Variants in DGKB observed in about 807,000 individuals in gnomAD.
DGKB encodes 90 kDa diacylglycerol kinase.
A neutral mutation model predicts 114.3 loss-of-function variants in DGKB; 67 were observed. The observed-to-expected ratio is 0.59, with a 90% confidence interval of 0.48 to 0.72. DGKB has a LOEUF of 0.72. Ranked by LOEUF, DGKB falls within the 30% of genes least tolerant of loss-of-function variation. The pLI is 0.00. For synonymous variants in DGKB, 398 were observed against 323.1 expected, an observed-to-expected ratio of 1.23 and a Z score of -2.49; for missense variants, 907 against 975.2, an observed-to-expected ratio of 0.93 and a Z score of 0.93.
At chr7:14,802,716 G>C (rs979600904) in intron 2 of DGKB, among the ~76,000 whole-genome samples, 2 of 151,962 alleles carry the variant, frequency 1.3e-5, no homozygotes, top group Non-Finnish European at 2.9e-5. Flanking sequence ...ATTTTCTTCA[G>C]TTCATTTATA....
intron 23 of DGKB, among the ~76,000 whole-genome samples, chr7:14,312,601 C>T (rs541605084): frequency 1.6e-4 from 25 of 152,238 alleles, no homozygotes; most frequent in Non-Finnish European, 2.8e-4. Flanking sequence ...AGCAATTGTG[C>T]TGCATAACAA....
chr7:14,570,929 T>G (rs1798289491), intron 20 of DGKB, among the ~76,000 whole-genome samples: 1 of 152,210 alleles, frequency 6.6e-6, no homozygotes, highest in South Asian at 2.1e-4. Context: ...ACCTCGACAC[T>G]ATTGACATTT....
intron 2 of DGKB, among the ~76,000 whole-genome samples, chr7:14,819,327 CTG>C (rs1844587066): frequency 6.6e-6 from 1 of 152,132 alleles, no homozygotes; most frequent in Non-Finnish European, 1.5e-5. Context: ...TGGCTCACGA[CTG>C]TAATCCCAGC....
At chr7:14,318,611 G>A (rs1415096623) in intron 23 of DGKB, among the ~76,000 whole-genome samples, 1 of 152,016 alleles carries the variant, frequency 6.6e-6, no homozygotes, top group Non-Finnish European at 1.5e-5. Context: ...CAGTTAGAAT[G>A]GCAATCATTA....
intron 1 of DGKB, among the ~76,000 whole-genome samples, chr7:14,945,452 ACTTT>A (rs1245861271): frequency 6.6e-6 from 1 of 151,496 alleles, no homozygotes; most frequent in Non-Finnish European, 1.5e-5. Flanking sequence ...CAATTTGCCC[ACTTT>A]CTTTGTTTTA....
chr7:14,354,945 G>C (rs909623320), intron 21 of DGKB, among the ~76,000 whole-genome samples: 28 of 152,270 alleles, frequency 1.8e-4, no homozygotes, highest in African/African-American at 6.7e-4. Context: ...ATGAGAGTGA[G>C]ACTCTGGACT....
chr7:14,249,421 A>G (rs1378816831), intron 23 of DGKB, among the ~76,000 whole-genome samples: 1 of 152,214 alleles, frequency 6.6e-6, no homozygotes, highest in South Asian at 2.1e-4. Context: ...AAGCACTGGC[A>G]TTCTTTTTAA....
chr7:14,524,885 A>C (rs2128576055), intron 20 of DGKB, among the ~76,000 whole-genome samples: 1 of 152,250 alleles, frequency 6.6e-6, no homozygotes, highest in South Asian at 2.1e-4. Context: ...ATGTATAATG[A>C]ATAAAAAGCC....
chr7:14,973,527 G>GTTTTTTT (rs11300261), intron 1 of DGKB, among the ~76,000 whole-genome samples: 1 of 137,298 alleles, frequency 7.3e-6, no homozygotes, highest in Non-Finnish European at 1.6e-5. Flanking sequence ...TTGTTTTTTT[G>GTTTTTTT]TTTTTTTTTT....
At chr7:14,537,436 ATC>A (rs1792687687) in intron 20 of DGKB, among the ~76,000 whole-genome samples, 1 of 152,188 alleles carries the variant, frequency 6.6e-6, no homozygotes, top group South Asian at 2.1e-4. Flanking sequence ...ATAAAGACAG[ATC>A]TATAGAGCAA....
intron 20 of DGKB, among the ~76,000 whole-genome samples, chr7:14,509,681 C>T (rs1475110019): frequency 1.3e-5 from 2 of 152,196 alleles, no homozygotes; most frequent in East Asian, 1.9e-4. Context: ...TCGGGCAGAG[C>T]CCGAGAGCTC....
chr7:14,578,162 C>A (rs1799436922), intron 19 of DGKB, among the ~76,000 whole-genome samples: 1 of 152,100 alleles, frequency 6.6e-6, no homozygotes, highest in African/African-American at 2.4e-5. Context: ...CTTCTCTCAC[C>A]TGCTGCCATG....
At chr7:14,726,412 C>T (rs983372408) in intron 5 of DGKB, among the ~76,000 whole-genome samples, 3 of 152,084 alleles carry the variant, frequency 2.0e-5, no homozygotes, top group East Asian at 1.9e-4. Context: ...GGATTACAGA[C>T]GTGAGCCACC....
intron 21 of DGKB, among the ~76,000 whole-genome samples, chr7:14,396,075 G>T (rs1478933133): frequency 6.6e-6 from 1 of 151,918 alleles, no homozygotes; most frequent in Non-Finnish European, 1.5e-5. Flanking sequence ...GAATGGTAGG[G>T]CAGGTTAACC....
intron 13 of DGKB, among the ~76,000 whole-genome samples, chr7:14,668,514 TCTCAGTTTC>T (rs1404518551): frequency 6.6e-6 from 1 of 152,132 alleles, no homozygotes; most frequent in Non-Finnish European, 1.5e-5. Flanking sequence ...CCTCTTTGTT[TCTCAGTTTC>T]CTCATATGTA....
At chr7:14,390,516 G>T (rs1329575167) in intron 21 of DGKB, among the ~76,000 whole-genome samples, 1 of 152,132 alleles carries the variant, frequency 6.6e-6, no homozygotes, top group Non-Finnish European at 1.5e-5. Flanking sequence ...TTCATATGAA[G>T]AAGTGATAAT....
chr7:14,566,626 G>A (rs939136741), intron 20 of DGKB, among the ~76,000 whole-genome samples: 20 of 152,094 alleles, frequency 1.3e-4, no homozygotes, highest in African/African-American at 4.3e-4. Flanking sequence ...CCACTTAAAA[G>A]GCAAATATCA....
At chr7:14,892,826 T>C (rs753434664) in intron 1 of DGKB, among the ~76,000 whole-genome samples, 1 of 150,758 alleles carries the variant, frequency 6.6e-6, no homozygotes. Context: ...ATAGGCAGTG[T>C]ACATTCTGGT....
rs980057260 is a variant in DGKB at position 14,970,597 on chromosome 7, C to T, written c.-188+4099G>A. Among the ~76,000 whole-genome samples the T allele has an allele frequency of 7.2e-5, 11 of 152,108 alleles. No homozygotes were observed. In the South Asian group the frequency reaches 1.5e-3, roughly 20 times the overall value. On this transcript the variant is annotated intron_variant, in intron 1 of 4. Coordinates refer to the DGKB transcript ENST00000437998. ...AACCAGAGGAGAAAAAAACACATAG[C>T]ATATCCTCAGAATGCTCCCGTGTCA...
Sources: gnomAD v4.1 joint callset for allele counts (sites outside exome capture counted in the v4.1 genomes callset) on GRCh38, gnomAD v4.1.1 for gene constraint, MANE v1.5 for transcripts, NCBI Gene and HGNC (gene_info 2026-07-23, HGNC 2026-07-21) for gene names.